KLF12: variants seen among roughly 807,000 people sequenced by gnomAD.
KLF12 encodes KLF transcription factor 12, also known as Krueppel-like factor 12.
In KLF12, 9 loss-of-function variants were observed where a neutral mutation model predicts 37.8. The observed-to-expected ratio is 0.24, with a 90% confidence interval of 0.14 to 0.42. The LOEUF (loss-of-function observed/expected upper bound fraction) is 0.42, where lower values mean the gene tolerates loss of function less well. Ranked by LOEUF, KLF12 falls within the 10% of genes least tolerant of loss-of-function variation. The pLI is 1.00. For missense variants in KLF12, 411 were observed against 516.0 expected (o/e 0.80, Z 1.97); for synonymous variants, 208 against 202.1 (o/e 1.03, Z -0.25).
At chr13:74,265,140 C>T in the KLF12 span, among the ~76,000 whole-genome samples, 2 of 152,250 alleles carry the variant, frequency 1.3e-5, no homozygotes, top group East Asian at 3.9e-4. Flanking sequence ...GAGGGAACTA[C>T]TAGTATCTAC....
intron 1 of KLF12, among the ~76,000 whole-genome samples, chr13:74,079,738 T>C (rs904090285): frequency 8.5e-5 from 13 of 152,154 alleles, no homozygotes; most frequent in African/African-American, 3.1e-4. Context: ...AAATAAGTGT[T>C]AGCAAGAAAG....
intron 5 of KLF12, among the ~76,000 whole-genome samples, chr13:73,790,839 C>G (rs76302261): frequency 0.19 from 28,461 of 152,190 alleles, 3,492 homozygotes; most frequent in East Asian, 0.44. Flanking sequence ...GCCAGCCCAG[C>G]AGAAAGGTGG....
At chr13:73,912,113 A>G (rs1455838221) in intron 3 of KLF12, among the ~76,000 whole-genome samples, 1 of 152,152 alleles carries the variant, frequency 6.6e-6, no homozygotes, top group Non-Finnish European at 1.5e-5. Flanking sequence ...TTATTTAATG[A>G]GGGCTACTAG....
chr13:73,761,514 C>T (rs1329657102), intron 6 of KLF12, among the ~76,000 whole-genome samples: 4 of 152,118 alleles, frequency 2.6e-5, no homozygotes, highest in Non-Finnish European at 5.9e-5. Context: ...TAGTTTCTCC[C>T]GCTTATTTAC....
intron 4 of KLF12, among the ~76,000 whole-genome samples, chr13:73,843,456 C>A (rs951626035): frequency 6.6e-6 from 1 of 152,046 alleles, no homozygotes; most frequent in South Asian, 2.1e-4. Flanking sequence ...TACAGGCGTG[C>A]GCCACCACCC....
intron 1 of KLF12, among the ~76,000 whole-genome samples, chr13:74,045,082 G>A (rs541295409): frequency 4.9e-4 from 74 of 152,266 alleles, no homozygotes; most frequent in Non-Finnish European, 2.9e-5. Context: ...CCAAGGAGGT[G>A]GAGTATAATT....
the KLF12 span, among the ~76,000 whole-genome samples, chr13:74,195,165 TTAAAA>T: frequency 6.6e-6 from 1 of 152,304 alleles, no homozygotes; most frequent in Admixed American, 6.5e-5. Flanking sequence ...TAAGATTAAA[TTAAAA>T]TGTCATTTAA....
chr13:73,794,848 G>T (rs748614079), intron 5 of KLF12, among the ~76,000 whole-genome samples: 10 of 152,054 alleles, frequency 6.6e-5, no homozygotes, highest in Non-Finnish European at 1.2e-4. Context: ...TTTGTAAATA[G>T]CCCACAAAAT....
chr13:73,815,678 A>T (rs1298978641), intron 4 of KLF12, among the ~76,000 whole-genome samples: 1 of 152,214 alleles, frequency 6.6e-6, no homozygotes, highest in Non-Finnish European at 1.5e-5. Context: ...TTGTTGAAAC[A>T]TCATGCACTA....
At chr13:74,291,981 G>A in the KLF12 span, among the ~76,000 whole-genome samples, 1 of 152,176 alleles carries the variant, frequency 6.6e-6, no homozygotes, top group South Asian at 2.1e-4. Context: ...TTAAATAAAT[G>A]CTTTACAATA....
chr13:74,229,452 T>C, the KLF12 span, among the ~76,000 whole-genome samples: 1 of 152,158 alleles, frequency 6.6e-6, no homozygotes, highest in Non-Finnish European at 1.5e-5. Context: ...CTCAGCCCCA[T>C]GGTGTGCTCA....
At chr13:73,784,872 G>A (rs112977073) in intron 5 of KLF12, among the ~76,000 whole-genome samples, 3,112 of 151,796 alleles carry the variant, frequency 0.021, 97 homozygotes, top group African/African-American at 0.071. Flanking sequence ...TCCTGACCTC[G>A]TGATCCACCC....
chr13:73,755,754 C>CT (rs905126009), intron 6 of KLF12, among the ~76,000 whole-genome samples: 4 of 151,904 alleles, frequency 2.6e-5, no homozygotes, highest in Non-Finnish European at 5.9e-5. Flanking sequence ...CACCACCCCC[C>CT]CAACCCTTTC....
intron 2 of KLF12, among the ~76,000 whole-genome samples, chr13:73,951,508 G>T (rs1890646947): frequency 6.6e-6 from 1 of 152,098 alleles, no homozygotes; most frequent in Admixed American, 6.5e-5. Flanking sequence ...GGGTACTTTG[G>T]CACTGCTACA....
At chr13:73,764,622 T>A (rs143565337) in intron 6 of KLF12, among the ~76,000 whole-genome samples, 66 of 152,234 alleles carry the variant, frequency 4.3e-4, no homozygotes, top group African/African-American at 1.2e-3. Context: ...CTGAGAAATA[T>A]CTGGGTCTAT....
rs144391327 is a variant in KLF12 at position 74,107,499 on chromosome 13, T to C, written c.-32+26240A>G. ...TTAACTCTTCACTTTCTTAGATCAT[T>C]GTATGTTGGACTTACTTAAATGTGA... is the stretch of plus-strand genomic sequence containing the variant. On this transcript the variant is annotated intron_variant, in intron 1 of 7. Coordinates refer to ENST00000377669, the MANE Select transcript of KLF12 (RefSeq NM_007249.5). Among the ~76,000 whole-genome samples the C allele has an allele frequency of 3.2e-3, 486 of 152,370 alleles. 2 individuals are homozygous for C. The highest frequency in any genetic ancestry group is 0.01 in the African/African-American group (431 of 41,594).
At chr13:74,134,199 A>G (rs2139044395), upstream of KLF12, among the ~76,000 whole-genome samples, 1 of 151,584 alleles carries the variant, frequency 6.6e-6, no homozygotes, top group African/African-American at 2.4e-5. Flanking sequence ...GGGGGGGCCG[A>G]AAACAAGAAA....
intron 7 of KLF12, among the ~76,000 whole-genome samples, chr13:73,701,629 C>T (rs1365887398): frequency 4.6e-5 from 7 of 151,998 alleles, no homozygotes; most frequent in South Asian, 2.1e-4. Flanking sequence ...GCCAATAAAT[C>T]TTAATAAGTT....
the KLF12 span, among the ~76,000 whole-genome samples, chr13:74,159,941 G>A: frequency 0.016 from 2,312 of 145,000 alleles, 57 homozygotes; most frequent in African/African-American, 0.056. Flanking sequence ...GGTCAATGAT[G>A]CAGTGAGCCA....
Sources: allele counts gnomAD v4.1 joint callset (sites outside exome capture counted in the v4.1 genomes callset), GRCh38; gene constraint gnomAD v4.1.1; transcripts MANE v1.5; gene names NCBI Gene and HGNC (gene_info 2026-07-23, HGNC 2026-07-21).